Variants in CTBP1 observed in about 807,000 individuals in gnomAD.
CTBP1 encodes C-terminal binding protein 1.
CTBP1 carries 11 observed loss-of-function variants against 42.1 expected under a neutral mutation model. That is an observed-to-expected ratio of 0.26 (90% CI 0.16 to 0.43). The LOEUF is 0.43. Ranked by LOEUF, CTBP1 falls within the 20% of genes least tolerant of loss-of-function variation. The probability of loss-of-function intolerance (pLI) is 1.00; values close to 1 mark genes in which losing one functional copy is unlikely to be tolerated. For synonymous variants in CTBP1, 324 were observed against 277.1 expected, an observed-to-expected ratio of 1.17 and a Z score of -1.68; for missense variants, 399 against 624.3, an observed-to-expected ratio of 0.64 and a Z score of 3.85.
At chr4:1,246,429 C>A (rs1290279672) in intron 1 of CTBP1, among the ~76,000 whole-genome samples, 1 of 152,232 alleles carries the variant, frequency 6.6e-6, no homozygotes, top group Non-Finnish European at 1.5e-5. Context: ...CCTCTCCAGC[C>A]CCCAGTGGAG....
rs774773418 is a variant in CTBP1 at position 1,216,091 on chromosome 4, C to T, written c.629G>A (p.Ser210Asn). 11 of 1,611,382 alleles carry T rather than the reference C, an allele frequency of 6.8e-6. No homozygotes were observed. The East Asian group carries it at 2.2e-4, about 33-fold the overall frequency. The change falls in exon 6 of 10, where the codon AGC becomes AAC. Residue 210 changes from serine (S) to asparagine (N), a missense_variant. Physicochemically the swap from Ser to Asn is conservative, Grantham distance 46. Transcript: ENST00000382952. ...VERALGLQRV[S>N]TLQDLLFHSD... ...GTGGAAGAGCAGGTCCTGCAGGGTG[C>T]TGACACGCTGCAGCCCCAGCGCCCG...
At chr4:1,222,095 G>A (rs1273417123) in intron 5 of CTBP1, among the ~76,000 whole-genome samples, 1 of 152,190 alleles carries the variant, frequency 6.6e-6, no homozygotes, top group African/African-American at 2.4e-5. Flanking sequence ...GGGCAGATGG[G>A]GACATGCACA....
intron 4 of CTBP1, among the ~76,000 whole-genome samples, chr4:1,226,369 C>T (rs1249727066): frequency 6.6e-6 from 1 of 152,082 alleles, no homozygotes; most frequent in Non-Finnish European, 1.5e-5. Context: ...GGGCAGGAGG[C>T]CAGGACAGGG....
intron 5 of CTBP1, chr4:1,223,604 C>A: frequency 2.4e-6 from 1 of 415,460 alleles, no homozygotes; most frequent in South Asian, 1.7e-5. Flanking sequence ...CTGAGGAACC[C>A]GCGATCTGGG....
At chr4:1,218,752 G>T (rs375235340) in intron 5 of CTBP1, among the ~76,000 whole-genome samples, 2 of 152,260 alleles carry the variant, frequency 1.3e-5, no homozygotes, top group South Asian at 4.1e-4. Context: ...TTATGAAGGC[G>T]TATCCTAATC....
At chr4:1,226,725 C>A (rs748950024) in intron 4 of CTBP1, among the ~76,000 whole-genome samples, 2 of 151,704 alleles carry the variant, frequency 1.3e-5, no homozygotes, top group Admixed American at 6.6e-5. Context: ...CGACACCACA[C>A]ACCCAGGCCT....
intron 6 of CTBP1, 165 bp downstream of exon 6, chr4:1,215,826 T>C (rs1729046878): frequency 3.0e-6 from 2 of 672,304 alleles, no homozygotes; most frequent in Non-Finnish European, 5.0e-6. Context: ...AAACGCTGTC[T>C]GGGCAGACAG....
intron 5 of CTBP1, among the ~76,000 whole-genome samples, chr4:1,222,102 C>G (rs1729803182): frequency 6.6e-6 from 1 of 152,206 alleles, no homozygotes; most frequent in South Asian, 2.1e-4. Context: ...TGGGGACATG[C>G]ACACCCTGGG....
chr4:1,245,560 C>T, intron 1 of CTBP1: 1 of 981,864 alleles, frequency 1.0e-6, no homozygotes, highest in Non-Finnish European at 1.2e-6. Context: ...CAGGGTGGCA[C>T]AGGAGGGCAC....
At chr4:1,232,961 T>G (rs1005376693) in intron 3 of CTBP1, 22 of 152,538 alleles carry the variant, frequency 1.4e-4, no homozygotes, top group Non-Finnish European at 2.2e-4. Context: ...TGTCTACTCT[T>G]GGTGGTACCA....
rs1272877076 is a variant in CTBP1 at position 1,238,796 on chromosome 4, C to G, written c.8-459G>C. 1.3e-5 allele frequency among the ~76,000 whole-genome samples: 2 copies of G among 151,742 alleles called. No homozygotes were observed. The highest frequency in any genetic ancestry group is 3.9e-4 in the East Asian group (2 of 5,132). ...CCCGACCCTCCTAGGCCCTCCAAGA[C>G]CCTCTGAGACCCCCCGAGACCCTCC... On this transcript the variant is annotated intron_variant, in intron 2 of 9. Coordinates refer to ENST00000382952, the MANE Select transcript of CTBP1 (RefSeq NM_001012614.2). This position sits in a 1 kb window ranked among gnomAD's most constrained non-coding sequence, Gnocchi z 5.9.
intron 3 of CTBP1, chr4:1,237,197 C>A: frequency 1.5e-6 from 1 of 669,908 alleles, no homozygotes; most frequent in South Asian, 1.6e-5. Flanking sequence ...GTGTCCACCT[C>A]CTGATGGGGC....
At chr4:1,230,070 C>T (rs935791647) in intron 3 of CTBP1, among the ~76,000 whole-genome samples, 3 of 152,270 alleles carry the variant, frequency 2.0e-5, no homozygotes, top group South Asian at 2.1e-4. Flanking sequence ...ATGGCTGCCC[C>T]GGGCCTCCTG....
chr4:1,242,713 T>C, intron 1 of CTBP1: 1 of 985,164 alleles, frequency 1.0e-6, no homozygotes, highest in Non-Finnish European at 1.2e-6. Flanking sequence ...GGGATCCCCA[T>C]CACCTGCGCC....
At chr4:1,230,665 G>A (rs1457029953) in intron 3 of CTBP1, among the ~76,000 whole-genome samples, 2 of 152,358 alleles carry the variant, frequency 1.3e-5, no homozygotes, top group South Asian at 2.1e-4. Context: ...GCTTTCACCC[G>A]GAGCACTGGC....
chr4:1,247,746 G>A (rs1732869551), intron 1 of CTBP1, among the ~76,000 whole-genome samples: 1 of 123,200 alleles, frequency 8.1e-6, no homozygotes, highest in South Asian at 3.5e-4. Context: ...CGCTCCTACA[G>A]AAACGGTGGA....
intron 9 of CTBP1, 74 bp downstream of exon 9, chr4:1,212,839 C>A: frequency 1.5e-6 from 2 of 1,319,326 alleles, no homozygotes; most frequent in East Asian, 2.3e-5. Context: ...CCCCTCCCAC[C>A]AGGGGCTGTG....
At chr4:1,241,281 C>T (rs200875332) in intron 2 of CTBP1, 44 bp downstream of exon 2, 65 of 788,986 alleles carry the variant, frequency 8.2e-5, no homozygotes, top group Non-Finnish European at 7.0e-5. Flanking sequence ...GCAAAGAGAC[C>T]GGCCGGCTTC....
chr4:1,225,901 C>G (rs997954339), intron 4 of CTBP1, among the ~76,000 whole-genome samples: 1 of 151,854 alleles, frequency 6.6e-6, no homozygotes, highest in South Asian at 2.1e-4. Flanking sequence ...CGTGTCTCCC[C>G]GCGTCACCTC....
Sources: allele counts gnomAD v4.1 joint callset (sites outside exome capture counted in the v4.1 genomes callset), GRCh38; gene constraint gnomAD v4.1.1; non-coding constraint Gnocchi (gnomAD v3.1); transcripts MANE v1.5; gene names NCBI Gene and HGNC (gene_info 2026-07-23, HGNC 2026-07-21).